Variants in NCALD observed in about 807,000 individuals in gnomAD.
The protein encoded by NCALD is neurocalcin-delta.
In NCALD, 10 loss-of-function variants were observed where a neutral mutation model predicts 18.6. The ratio of observed to expected loss-of-function variants is 0.54; its 90% CI spans 0.33 to 0.91. The LOEUF (loss-of-function observed/expected upper bound fraction) is 0.91. Ranked by LOEUF, NCALD falls within the 40% of genes least tolerant of loss-of-function variation. The pLI is 0.03. For synonymous variants in NCALD, 88 were observed against 87.4 expected, an observed-to-expected ratio of 1.01 and a Z score of -0.04; for missense variants, 184 against 247.6, an observed-to-expected ratio of 0.74 and a Z score of 1.72.
rs11305701 is a variant in NCALD at position 101,957,289 on chromosome 8, G to GTTTTTTTTTT, written c.-156-41441_-156-41432dup. Among the ~76,000 whole-genome samples, 28 of 99,500 alleles carry GTTTTTTTTTT rather than the reference G, an allele frequency of 2.8e-4. 2 individuals are homozygous for GTTTTTTTTTT. Among genetic ancestry groups the GTTTTTTTTTT allele is most frequent in the African/African-American group, 9.9e-4 (25 of 25,144 alleles). 65.3% of individuals were successfully genotyped at this position (99,500 alleles called of 152,430 possible). A position where few individuals can be genotyped will look rare whatever the true frequency, so the allele number is the denominator to read the frequency against. ...ATGGGTAGTAAAAAGAAAAGTTGGG[G>GTTTTTTTTTT]TTTTTTTTTTTTTTTTTTTTTTTTT... On this transcript the variant is annotated intron_variant, in intron 2 of 6. Transcript: ENST00000311028.
intron 2 of NCALD, among the ~76,000 whole-genome samples, chr8:102,012,996 C>T (rs1821959451): frequency 6.6e-6 from 1 of 152,178 alleles, no homozygotes; most frequent in African/African-American, 2.4e-5. Flanking sequence ...CACTCACACA[C>T]ACACACAAAT....
intron 1 of NCALD, among the ~76,000 whole-genome samples, chr8:101,789,907 A>G (rs1161214881): frequency 6.6e-6 from 1 of 152,248 alleles, no homozygotes; most frequent in Non-Finnish European, 1.5e-5. Context: ...AACAATTTGT[A>G]GTAAATAGTA....
intron 4 of NCALD, among the ~76,000 whole-genome samples, chr8:101,869,377 G>A (rs1212155781): frequency 5.3e-5 from 8 of 152,150 alleles, no homozygotes; most frequent in Non-Finnish European, 1.2e-4. Context: ...AGGAATGTAG[G>A]CAGCCTGGAG....
intron 3 of NCALD, among the ~76,000 whole-genome samples, chr8:101,895,258 A>G (rs1325887457): frequency 1.5e-5 from 2 of 135,770 alleles, no homozygotes; most frequent in Non-Finnish European, 3.0e-5. Flanking sequence ...GCCAAAGACA[A>G]AAACCACATG....
chr8:101,720,274 G>C (rs1201022844), intron 1 of NCALD, among the ~76,000 whole-genome samples: 6 of 152,106 alleles, frequency 3.9e-5, no homozygotes, highest in African/African-American at 1.4e-4. Flanking sequence ...ACAATGTTGG[G>C]TTTTGATAGT....
intron 4 of NCALD, among the ~76,000 whole-genome samples, chr8:101,864,597 T>TA (rs1554648010): frequency 6.6e-6 from 1 of 151,094 alleles, no homozygotes; most frequent in African/African-American, 2.4e-5. Flanking sequence ...TCCTTTCTTT[T>TA]TTTTTTTTTT....
At position 101,692,936 on chromosome 8, in the gene NCALD, G is replaced by C. The variant is rs775993829; in HGVS notation, c.379-40C>G. On this transcript the variant is annotated intron_variant, in intron 2 of 3. Transcript: ENST00000220931. ...GACATGGTGGTAAGACAGAAAAACA[G>C]TATGGCACACAATAGACCTATCATT... 4 of 1,439,916 alleles carry C rather than the reference G, an allele frequency of 2.8e-6. No homozygotes were observed. The African/African-American group carries it at 5.6e-5, about 20-fold the overall frequency. 89.2% of individuals were successfully genotyped at this position (1,439,916 alleles called of 1,614,324 possible).
intron 2 of NCALD, among the ~76,000 whole-genome samples, chr8:101,964,013 T>C (rs1819932056): frequency 6.6e-6 from 1 of 152,228 alleles, no homozygotes; most frequent in South Asian, 2.1e-4. Context: ...TTTTAAATTA[T>C]TTGTAATGAG....
chr8:102,099,149 A>C (rs76501444), intron 1 of NCALD, among the ~76,000 whole-genome samples: 13,403 of 152,196 alleles, frequency 0.088, 1,569 homozygotes, highest in African/African-American at 0.27. Flanking sequence ...CCATCTCTGG[A>C]ATGTTCAGTT....
chr8:101,820,722 T>C (rs577465083), intron 4 of NCALD, among the ~76,000 whole-genome samples: 35 of 152,312 alleles, frequency 2.3e-4, no homozygotes, highest in African/African-American at 7.9e-4. Context: ...ACATGGCTAA[T>C]TCCAAATTAG....
intron 4 of NCALD, among the ~76,000 whole-genome samples, chr8:101,809,619 T>C (rs1813232849): frequency 6.6e-6 from 1 of 152,212 alleles, no homozygotes. Flanking sequence ...TGATCTCAGT[T>C]CACTGCAAAC....
intron 3 of NCALD, among the ~76,000 whole-genome samples, chr8:101,910,071 G>A (rs1388323365): frequency 2.6e-5 from 4 of 152,112 alleles, no homozygotes; most frequent in Non-Finnish European, 4.4e-5. Context: ...TGCCCTAGGA[G>A]GGGCAATCCT....
intron 3 of NCALD, among the ~76,000 whole-genome samples, chr8:101,898,251 A>T (rs1278656141): frequency 6.6e-6 from 1 of 152,236 alleles, no homozygotes; most frequent in Non-Finnish European, 1.5e-5. Context: ...GTGTGGTGCT[A>T]TCTCATCATG....
At chr8:102,055,937 T>C (rs889766183) in intron 1 of NCALD, among the ~76,000 whole-genome samples, 1 of 152,206 alleles carries the variant, frequency 6.6e-6, no homozygotes, top group African/African-American at 2.4e-5. Context: ...AGGGAGCTCA[T>C]GGTCGGCACA....
intron 2 of NCALD, among the ~76,000 whole-genome samples, chr8:101,938,733 T>C (rs1022062167): frequency 4.6e-5 from 7 of 152,138 alleles, no homozygotes; most frequent in Non-Finnish European, 1.0e-4. Flanking sequence ...ATAATGATAA[T>C]TACCTATGGT....
At chr8:101,721,970 T>C (rs1441656066) in intron 1 of NCALD, among the ~76,000 whole-genome samples, 1 of 150,876 alleles carries the variant, frequency 6.6e-6, no homozygotes, top group Non-Finnish European at 1.5e-5. Flanking sequence ...GCCTCCCAAA[T>C]AGCTGGTATT....
intron 2 of NCALD, among the ~76,000 whole-genome samples, chr8:101,715,795 GATC>G (rs980992199): frequency 4.6e-5 from 7 of 152,156 alleles, no homozygotes; most frequent in South Asian, 2.1e-4. Flanking sequence ...TTAGAATGGT[GATC>G]ATTAAAAAGT....
At chr8:101,797,191 A>G (rs942843840) in intron 4 of NCALD, among the ~76,000 whole-genome samples, 6 of 152,258 alleles carry the variant, frequency 3.9e-5, no homozygotes, top group Non-Finnish European at 8.8e-5. Context: ...TTGGCAAAAT[A>G]AACTTTCTAA....
At chr8:102,051,921 A>G (rs544752193) in intron 1 of NCALD, among the ~76,000 whole-genome samples, 1 of 152,386 alleles carries the variant, frequency 6.6e-6, no homozygotes, top group East Asian at 1.9e-4. Context: ...ATGCTGAAAA[A>G]GAAATTTCAA....
Sources: gnomAD v4.1 joint callset for allele counts (sites outside exome capture counted in the v4.1 genomes callset) on GRCh38, gnomAD v4.1.1 for gene constraint, MANE v1.5 for transcripts, NCBI Gene and HGNC (gene_info 2026-07-23, HGNC 2026-07-21) for gene names.